PRKCH: variants seen among roughly 807,000 people sequenced by gnomAD.
PRKCH encodes the protein protein kinase C eta type.
A neutral mutation model predicts 82.5 loss-of-function variants in PRKCH; 28 were observed. The ratio of observed to expected loss-of-function variants is 0.34; its 90% CI spans 0.25 to 0.47. The LOEUF (loss-of-function observed/expected upper bound fraction) is 0.47. PRKCH is among the 20% of genes least tolerant of loss of function. The probability of loss-of-function intolerance (pLI) is 1.00; values close to 1 mark genes in which losing one functional copy is unlikely to be tolerated. For synonymous variants in PRKCH, 322 were observed against 327.4 expected, an observed-to-expected ratio of 0.98 and a Z score of 0.18; for missense variants, 705 against 881.8, an observed-to-expected ratio of 0.80 and a Z score of 2.54.
chr14:61,300,318 A>G (rs1482794108), intron 1 of PRKCH, among the ~76,000 whole-genome samples: 1 of 152,252 alleles, frequency 6.6e-6, no homozygotes, highest in East Asian at 1.9e-4. Context: ...TCATCTTCTC[A>G]AGACCAATAG....
At chr14:61,507,002 A>G (rs1887179450) in intron 10 of PRKCH, among the ~76,000 whole-genome samples, 2 of 152,202 alleles carry the variant, frequency 1.3e-5, no homozygotes, top group African/African-American at 4.8e-5. Flanking sequence ...CAAAATGGAA[A>G]GGCAACCTAT....
chr14:61,470,953 G>A (rs944042938), intron 9 of PRKCH, among the ~76,000 whole-genome samples: 15 of 151,958 alleles, frequency 9.9e-5, no homozygotes, highest in Middle Eastern at 3.2e-3. Context: ...AGGGACCACC[G>A]AGCCACAGAC....
chr14:61,364,059 G>GTA (rs894452215), intron 1 of PRKCH, among the ~76,000 whole-genome samples: 12 of 147,126 alleles, frequency 8.2e-5, no homozygotes, highest in African/African-American at 3.0e-4. Flanking sequence ...ATATTTGTGT[G>GTA]TATATATATA....
chr14:61,497,268 T>C (rs752472580), intron 10 of PRKCH, among the ~76,000 whole-genome samples: 5 of 152,172 alleles, frequency 3.3e-5, no homozygotes, highest in Non-Finnish European at 7.3e-5. Flanking sequence ...CAGGTTACTT[T>C]ACCTCTCTAA....
chr14:61,503,908 A>G (rs1202673106), intron 10 of PRKCH, among the ~76,000 whole-genome samples: 2 of 152,194 alleles, frequency 1.3e-5, no homozygotes, highest in African/African-American at 2.4e-5. Flanking sequence ...ATATAACTCT[A>G]GAATCAAAAA....
In PRKCH at chr14:61,420,996, G is replaced by T. The variant is rs147157831; in HGVS notation, c.428-22115G>T. On this transcript the variant is annotated intron_variant, in intron 2 of 13. Transcript: ENST00000332981. ...TTAGTTTGATTTATGTAAATCTCTG[G>T]TGTGAATTATTGCTATCAGATAAAT... Among the ~76,000 whole-genome samples the T allele has an allele frequency of 2.6e-3, 397 of 152,076 alleles. 3 individuals are homozygous for T. Among genetic ancestry groups the T allele is most frequent in the African/African-American group, 8.9e-3 (370 of 41,468 alleles).
Position 61,449,170 on chromosome 14 carries a change from C to T in PRKCH, c.620C>T (p.Thr207Ile), listed in dbSNP as rs774536128. ...GKQGYQCQVC[T>I]CVVHKRCHHL... The stretch of plus-strand genomic sequence containing the variant: ...GCTGGATTTAATTTCCTAGTGTGCA[C>T]CTGTGTCGTCCATAAACGCTGCCAT... The change falls in exon 5 of 14, where the codon ACC becomes ATC. Residue 207 changes from threonine (T) to isoleucine (I), a missense_variant. By Grantham distance (89) the Thr-to-Ile change is moderately conservative (BLOSUM62 -1). Around this residue, in one of 5 missense-constraint regions of PRKCH, gnomAD observed 246 missense variants for 308.0 expected, o/e 0.80. Coordinates refer to ENST00000332981, the MANE Select transcript of PRKCH (RefSeq NM_006255.5). 8.1e-6 allele frequency: 13 copies of T among 1,613,674 alleles called. No homozygotes were observed. Among genetic ancestry groups the T allele is most frequent in the Non-Finnish European group, 5.1e-6 (6 of 1,179,630 alleles).
intron 1 of PRKCH, chr14:61,298,859 A>T (rs892323802): frequency 6.6e-6 from 1 of 152,196 alleles, no homozygotes; most frequent in Non-Finnish European, 1.5e-5. Context: ...GCAGAAAGAT[A>T]GTGCAAGGCA....
intron 6 of PRKCH, among the ~76,000 whole-genome samples, chr14:61,451,684 T>G (rs898834503): frequency 6.6e-6 from 1 of 152,164 alleles, no homozygotes; most frequent in Non-Finnish European, 1.5e-5. Flanking sequence ...TGTGCCATCT[T>G]GTATGGAAAT....
intron 1 of PRKCH, among the ~76,000 whole-genome samples, chr14:61,236,888 C>T (rs191585029): frequency 6.6e-6 from 1 of 152,124 alleles, no homozygotes; most frequent in African/African-American, 2.4e-5. Context: ...AAAGGGGATG[C>T]ATGAATAATC....
intron 1 of PRKCH, among the ~76,000 whole-genome samples, chr14:61,244,951 A>G (rs1419331180): frequency 6.6e-6 from 1 of 152,194 alleles, no homozygotes; most frequent in Non-Finnish European, 1.5e-5. Flanking sequence ...ACCACCAACT[A>G]CTTTATTGTT....
rs538164588 is a variant in PRKCH, at chr14:61,259,562, T to C, written c.-19+71894T>C. The stretch of plus-strand genomic sequence containing the variant: ...CAAAGGAGATACCCATTTAGTCTGC[T>C]GAGGTAGGACCTAGGAACAAGCATT... On this transcript the variant is annotated intron_variant, in intron 1 of 3. Transcript: ENST00000555185. Among the ~76,000 whole-genome samples, 208 of 152,344 alleles carry C rather than the reference T, an allele frequency of 1.4e-3. 1 individual carries two copies. The highest frequency in any genetic ancestry group is 4.8e-3 in the African/African-American group (201 of 41,580).
At chr14:61,345,292 G>A (rs984621169) in intron 1 of PRKCH, among the ~76,000 whole-genome samples, 13 of 152,160 alleles carry the variant, frequency 8.5e-5, no homozygotes, top group African/African-American at 2.4e-4. Flanking sequence ...GGTTATAAAC[G>A]TACTTAGTTT....
chr14:61,344,130 C>G (rs1382744865), intron 1 of PRKCH: 1 of 152,194 alleles, frequency 6.6e-6, no homozygotes, highest in Non-Finnish European at 1.5e-5. Context: ...GGTTTCAGGT[C>G]AGTGATGAGT....
At chr14:61,543,237 A>ATGCC (rs2043210479) in intron 12 of PRKCH, 1 of 152,200 alleles carries the variant, frequency 6.6e-6, no homozygotes, top group African/African-American at 2.4e-5. Flanking sequence ...AGGAGGGAGC[A>ATGCC]TGCCTGCTTG....
intron 5 of PRKCH, among the ~76,000 whole-genome samples, chr14:61,450,091 T>A (rs1412239789): frequency 6.6e-6 from 1 of 152,200 alleles, no homozygotes; most frequent in Non-Finnish European, 1.5e-5. Flanking sequence ...TTCTTTATAG[T>A]ACACATATAG....
In PRKCH at chr14:61,309,104, G is replaced by A. The variant is rs369337921; in HGVS notation, c.-19+121436G>A. On this transcript the variant is annotated intron_variant, in intron 1 of 3. Coordinates refer to the PRKCH transcript ENST00000555185. ...TTCAAGACCAGCTGGGCAACATACC[G>A]AGACCCCGCCTCTACAGAAAAATAC... Among the ~76,000 whole-genome samples the A allele has an allele frequency of 4.3e-4, 66 of 151,950 alleles. 1 individual carries two copies. Among genetic ancestry groups the A allele is most frequent in the East Asian group, 3.1e-3 (16 of 5,166 alleles).
At chr14:61,250,060 G>C (rs1303583281) in intron 1 of PRKCH, among the ~76,000 whole-genome samples, 1 of 101,628 alleles carries the variant, frequency 9.8e-6, no homozygotes, top group Non-Finnish European at 2.0e-5. Context: ...AGGAGTTCAA[G>C]GCCAGCCTGG....
intron 10 of PRKCH, among the ~76,000 whole-genome samples, chr14:61,501,092 C>T (rs758594569): frequency 6.6e-6 from 1 of 152,038 alleles, no homozygotes; most frequent in Non-Finnish European, 1.5e-5. Flanking sequence ...TCTAAGCCTC[C>T]GTTTCTTAAT....
Sources: allele counts gnomAD v4.1 joint callset (sites outside exome capture counted in the v4.1 genomes callset), GRCh38; gene constraint gnomAD v4.1.1; regional missense constraint gnomAD v4.1.1; transcripts MANE v1.5; gene names NCBI Gene and HGNC (gene_info 2026-07-23, HGNC 2026-07-21).